The following IQCH variants were observed in gnomAD, a reference collection of about 807,000 sequenced individuals.
IQCH encodes IQ motif containing H.
IQCH carries 98 observed loss-of-function variants against 117.0 expected under a neutral mutation model. The observed-to-expected ratio is 0.84, with a 90% CI of 0.71 to 0.99. IQCH has a LOEUF of 0.99. Among genes scored for constraint, IQCH ranks in the 50% least tolerant of loss-of-function variants. The pLI is 0.00. For synonymous variants in IQCH, 412 were observed against 448.2 expected, an observed-to-expected ratio of 0.92 and a Z score of 1.02; for missense variants, 1,102 against 1,243.8, an observed-to-expected ratio of 0.89 and a Z score of 1.72.
chr15:67,414,664 AT>A (rs371377344), intron 14 of IQCH, among the ~76,000 whole-genome samples: 10,401 of 144,432 alleles, frequency 0.072, 484 homozygotes, highest in East Asian at 0.14. Flanking sequence ...CAAAAAAAAA[AT>A]ATATATATAT....
rs1216508913 is a variant in IQCH, at chr15:67,300,733, G to A, written c.387+21221G>A. On this transcript the variant is annotated intron_variant, in intron 4 of 20. Transcript: ENST00000335894. ...CTGCTCAGATGTGTGTCATTTTATGGTCTACCCATGTCTGGGGAGCTGGCA... is the reference window on the plus strand; with the variant it reads ...CTGCTCAGATGTGTGTCATTTTATGATCTACCCATGTCTGGGGAGCTGGCA... Among the ~76,000 whole-genome samples, 4 of 152,214 alleles carry A rather than the reference G, an allele frequency of 2.6e-5. No homozygotes were observed. In the East Asian group the frequency reaches 7.7e-4, roughly 29 times the overall value.
rs1231044459 is a variant in IQCH, at chr15:67,467,735, A to G, written c.2676+2438A>G. On this transcript the variant is annotated intron_variant, in intron 17 of 20. Transcript: ENST00000335894. This position sits in a 1 kb window ranked among gnomAD's most constrained non-coding sequence, Gnocchi z 5.7. Reference sequence around the variant, plus strand: ...CTTCCTGAACAAGTGTGAACAGACTATGATGCCGTCAAGTTTATGATCAGG... The same window carrying G: ...CTTCCTGAACAAGTGTGAACAGACTGTGATGCCGTCAAGTTTATGATCAGG... Among the ~76,000 whole-genome samples, 1 of 152,228 alleles carries G rather than the reference A, an allele frequency of 6.6e-6. No homozygotes were observed. Among genetic ancestry groups the G allele is most frequent in the Non-Finnish European group, 1.5e-5 (1 of 68,046 alleles).
chr15:67,357,315 A>C (rs570694882), intron 6 of IQCH, 30 bp from the exon 7 acceptor site: 1 of 1,484,136 alleles, frequency 6.7e-7, no homozygotes. Context: ...TTCTTCTGGA[A>C]AAGGTAACAT....
At chr15:67,297,445 T>C (rs1966859732) in intron 4 of IQCH, among the ~76,000 whole-genome samples, 1 of 152,138 alleles carries the variant, frequency 6.6e-6, no homozygotes, top group Non-Finnish European at 1.5e-5. Context: ...TGGTAAAGAT[T>C]TTTTAAAATA....
At chr15:67,402,806 C>T (rs1374480341) in intron 14 of IQCH, among the ~76,000 whole-genome samples, 3 of 152,104 alleles carry the variant, frequency 2.0e-5, no homozygotes, top group Admixed American at 1.3e-4. Context: ...GATACGATAC[C>T]GTGATTTTTC....
At chr15:67,389,725 A>G (rs1567148745) in intron 12 of IQCH, among the ~76,000 whole-genome samples, 1 of 152,104 alleles carries the variant, frequency 6.6e-6, no homozygotes. Context: ...TTTTTTTGGT[A>G]TAATTAAAGA....
At chr15:67,261,606 A>C (rs192267155) in intron 2 of IQCH, among the ~76,000 whole-genome samples, 177 of 152,354 alleles carry the variant, frequency 1.2e-3, no homozygotes, top group African/African-American at 3.8e-3. Context: ...AGTAGGTTAA[A>C]TATAAGATTA....
At position 67,395,643 on chromosome 15, in the gene IQCH, G is replaced by C; in HGVS notation, c.1905+80G>C. The C allele has an allele frequency of 7.6e-7, 1 of 1,308,216 alleles. No individual in the cohort carries two copies. Among genetic ancestry groups the C allele is most frequent in the Non-Finnish European group, 1.1e-6 (1 of 928,992 alleles). 81.0% of individuals were successfully genotyped at this position (1,308,216 alleles called of 1,614,324 possible). ...TCTTGGACAATTTCCAAGTCTTCTG[G>C]AGCCAGACCTACCCAATGAAGAATA... On this transcript the variant is annotated intron_variant, in intron 13 of 20. Coordinates refer to ENST00000335894, the MANE Select transcript of IQCH (RefSeq NM_001031715.3). This position sits in a 1 kb window ranked among gnomAD's most constrained non-coding sequence, Gnocchi z 4.0.
intron 4 of IQCH, among the ~76,000 whole-genome samples, chr15:67,327,155 A>C (rs894508414): frequency 1.3e-5 from 2 of 152,294 alleles, no homozygotes; most frequent in East Asian, 1.9e-4. Flanking sequence ...ATTAGCAGAG[A>C]GTATATTAGA....
At position 67,457,039 on chromosome 15, in the gene IQCH, T is replaced by C. The variant is rs918626717; in HGVS notation, c.2506-8088T>C. Reference sequence around the variant, plus strand: ...TAAGCTGAAAACCAAGAGGCTCAATTGCTGACCGGGGTGACTGCCCTGTAC... The same window carrying C: ...TAAGCTGAAAACCAAGAGGCTCAATCGCTGACCGGGGTGACTGCCCTGTAC... On this transcript the variant is annotated intron_variant, in intron 16 of 20. Transcript: ENST00000335894. The surrounding 1 kb of genome is among the most constrained non-coding windows in gnomAD (Gnocchi z 5.7). Among the ~76,000 whole-genome samples the C allele has an allele frequency of 2.0e-5, 3 of 152,186 alleles. No homozygotes were observed. The highest frequency in any genetic ancestry group is 2.0e-4 in the Admixed American group (3 of 15,282).
At chr15:67,360,683 T>G (rs966081216) in intron 8 of IQCH, among the ~76,000 whole-genome samples, 1 of 152,252 alleles carries the variant, frequency 6.6e-6, no homozygotes, top group Non-Finnish European at 1.5e-5. Flanking sequence ...GGCCTCCCTT[T>G]CTTGGGGATC....
intron 8 of IQCH, among the ~76,000 whole-genome samples, chr15:67,363,184 A>AAAAC (rs530410933): frequency 3.9e-5 from 6 of 152,190 alleles, no homozygotes; most frequent in Non-Finnish European, 7.3e-5. Context: ...CACGGAAAAA[A>AAAAC]AAACAAACAA....
Position 67,365,657 on chromosome 15 carries a change from C to T in IQCH, c.753+5772C>T, listed in dbSNP as rs1413485344. On this transcript the variant is annotated intron_variant, in intron 8 of 20. Coordinates refer to ENST00000335894, the MANE Select transcript of IQCH (RefSeq NM_001031715.3). This position sits in a 1 kb window ranked among gnomAD's most constrained non-coding sequence, Gnocchi z 4.4. ...CATATGTAGGTATAGAAGCCACGCA[C>T]GGTGGCTCACGCCTGTAATCCCAGC... Among the ~76,000 whole-genome samples, 3 of 152,112 alleles carry T rather than the reference C, an allele frequency of 2.0e-5. No homozygotes were observed. The highest frequency in any genetic ancestry group is 2.1e-4 in the South Asian group (1 of 4,826).
At chr15:67,345,516 T>C (rs1969348605) in intron 6 of IQCH, among the ~76,000 whole-genome samples, 1 of 152,200 alleles carries the variant, frequency 6.6e-6, no homozygotes, top group Non-Finnish European at 1.5e-5. Context: ...ATGTGCCCCC[T>C]AATATGACAC....
In IQCH at chr15:67,359,959, A is replaced by G. The variant is rs1970065712; in HGVS notation, c.753+74A>G. ...TCCCTTCCTTTTGCTGCAGGGCAAG[A>G]GTATGGGTGACTGCTTGACAGCTGG... is the stretch of plus-strand genomic sequence containing the variant. On this transcript the variant is annotated intron_variant, in intron 8 of 20. Coordinates refer to ENST00000335894, the MANE Select transcript of IQCH (RefSeq NM_001031715.3). The surrounding 1 kb of genome is among the most constrained non-coding windows in gnomAD (Gnocchi z 4.5). 4.5e-5 allele frequency: 54 copies of G among 1,190,136 alleles called. 1 individual carries two copies. In the South Asian group the frequency reaches 6.7e-4, roughly 15 times the overall value. The allele number at this position is 1,190,136 out of a possible 1,614,324, so 73.7% of individuals were successfully genotyped here.
rs564021660 is a variant in IQCH at position 67,477,801 on chromosome 15, T to TC, written c.2799+1989dup. Among the ~76,000 whole-genome samples, 6 of 152,260 alleles carry TC rather than the reference T, an allele frequency of 3.9e-5. No individual in the cohort carries two copies. The East Asian group carries it at 7.7e-4, about 20-fold the overall frequency. ...TTTGGCAGGGACAGTCTCCTGCCCT[T>TC]CCCCCCACACAAAAGTGCTTCATTA... On this transcript the variant is annotated intron_variant, in intron 18 of 20. Coordinates refer to ENST00000335894, the MANE Select transcript of IQCH (RefSeq NM_001031715.3).
Position 67,465,734 on chromosome 15 carries a change from A to G in IQCH, c.2676+437A>G, listed in dbSNP as rs2082914014. On this transcript the variant is annotated intron_variant, in intron 17 of 20. Coordinates refer to ENST00000335894, the MANE Select transcript of IQCH (RefSeq NM_001031715.3). This position sits in a 1 kb window ranked among gnomAD's most constrained non-coding sequence, Gnocchi z 5.9. ...TCACATTTGTCTTTCTTCCTCCTGT[A>G]CTTCCTGTTAGTGGATCAGGCCAGA... Among the ~76,000 whole-genome samples, 2 of 152,072 alleles carry G rather than the reference A, an allele frequency of 1.3e-5. No homozygotes were observed. The highest frequency in any genetic ancestry group is 2.9e-5 in the Non-Finnish European group (2 of 68,008).
Position 67,491,751 on chromosome 15 carries a change from T to G in IQCH, c.2861+1687T>G, listed in dbSNP as rs918919215. 1.2e-4 allele frequency among the ~76,000 whole-genome samples: 18 copies of G among 152,080 alleles called. No individual in the cohort carries two copies. Among genetic ancestry groups the G allele is most frequent in the African/African-American group, 4.3e-4 (18 of 41,416 alleles). On this transcript the variant is annotated intron_variant, in intron 19 of 20. Coordinates refer to ENST00000335894, the MANE Select transcript of IQCH (RefSeq NM_001031715.3). This position sits in a 1 kb window ranked among gnomAD's most constrained non-coding sequence, Gnocchi z 4.9. ...ACCTCTGGGCATGTGCAGGGAAGGA[T>G]CAGCCCCTTGCTTCCCAGTAACATT...
intron 3 of IQCH, 84 bp downstream of exon 3, chr15:67,263,300 T>C (rs745861279): frequency 2.4e-4 from 170 of 708,754 alleles, no homozygotes; most frequent in Non-Finnish European, 3.9e-4. Flanking sequence ...CTATAAAATA[T>C]AGGCAACATT....
Sources: allele counts gnomAD v4.1 joint callset (sites outside exome capture counted in the v4.1 genomes callset), GRCh38; gene constraint gnomAD v4.1.1; non-coding constraint Gnocchi (gnomAD v3.1); transcripts MANE v1.5; gene names NCBI Gene and HGNC (gene_info 2026-07-23, HGNC 2026-07-21).